Variants in ENTREP2 observed in about 807,000 individuals in gnomAD.
ENTREP2 encodes the protein protein ENTREP2.
At chr15:29,159,578 G>C in the ENTREP2 span, among the ~76,000 whole-genome samples, 1 of 152,114 alleles carries the variant, frequency 6.6e-6, no homozygotes, top group Non-Finnish European at 1.5e-5. Context: ...TTTTGACAGG[G>C]TGCTGATTGG....
the ENTREP2 span, among the ~76,000 whole-genome samples, chr15:29,259,822 A>T: frequency 6.6e-6 from 1 of 152,062 alleles, no homozygotes; most frequent in Non-Finnish European, 1.5e-5. Flanking sequence ...ATATATATAT[A>T]TATGAAGAAA....
the ENTREP2 span, among the ~76,000 whole-genome samples, chr15:29,275,751 G>T: frequency 6.6e-6 from 1 of 152,106 alleles, no homozygotes; most frequent in Non-Finnish European, 1.5e-5. Context: ...TTCATTCATG[G>T]TATTTCTTGT....
At chr15:29,613,643 T>TA in the ENTREP2 span, 2 of 182,538 alleles carry the variant, frequency 1.1e-5, no homozygotes, top group Non-Finnish European at 2.3e-5. Context: ...TGAGGCTCCT[T>TA]ATAATATTCG....
the ENTREP2 span, among the ~76,000 whole-genome samples, chr15:29,207,579 T>G: frequency 6.6e-6 from 1 of 152,108 alleles, no homozygotes; most frequent in Non-Finnish European, 1.5e-5. Context: ...TGCTGATTGG[T>G]GCATTTTACA....
the ENTREP2 span, among the ~76,000 whole-genome samples, chr15:29,369,938 G>T: frequency 2.0e-5 from 3 of 152,128 alleles, no homozygotes; most frequent in African/African-American, 7.2e-5. Context: ...CCCTTTATCT[G>T]CCATGTTTGG....
At chr15:29,478,015 A>T in the ENTREP2 span, among the ~76,000 whole-genome samples, 7,025 of 61,922 alleles carry the variant, frequency 0.11, 854 homozygotes, top group Non-Finnish European at 0.13. Context: ...ATATATATAT[A>T]TATATTTTTT....
chr15:29,363,985 T>C, the ENTREP2 span, among the ~76,000 whole-genome samples: 1 of 152,086 alleles, frequency 6.6e-6, no homozygotes, highest in African/African-American at 2.4e-5. Context: ...AGGGCCAGAA[T>C]TGCTCTCCAT....
At chr15:29,284,538 C>CAG in the ENTREP2 span, among the ~76,000 whole-genome samples, 1 of 135,004 alleles carries the variant, frequency 7.4e-6, no homozygotes, top group Non-Finnish European at 1.5e-5. Context: ...GCCTGGGTGA[C>CAG]AGAGAGAGAC....
the ENTREP2 span, among the ~76,000 whole-genome samples, chr15:29,664,930 T>C: frequency 6.6e-6 from 1 of 152,180 alleles, no homozygotes; most frequent in African/African-American, 2.4e-5. Flanking sequence ...CCAATCCAAC[T>C]TTCTCTGCCA....
the ENTREP2 span, chr15:29,610,276 A>G: frequency 1.3e-5 from 2 of 150,580 alleles, no homozygotes; most frequent in Non-Finnish European, 3.0e-5. Context: ...GCACAGGGAG[A>G]ACAGCTGTCC....
the ENTREP2 span, among the ~76,000 whole-genome samples, chr15:29,139,517 T>C: frequency 3.9e-5 from 6 of 152,198 alleles, no homozygotes; most frequent in Non-Finnish European, 8.8e-5. Context: ...ATCAATGACA[T>C]ACCCAAGCAA....
the ENTREP2 span, among the ~76,000 whole-genome samples, chr15:29,530,364 C>T: frequency 3.3e-5 from 5 of 152,150 alleles, no homozygotes; most frequent in African/African-American, 1.2e-4. Context: ...TCCATCTATG[C>T]AAGGAGTGTT....
At chr15:29,340,502 T>C in the ENTREP2 span, among the ~76,000 whole-genome samples, 24 of 152,078 alleles carry the variant, frequency 1.6e-4, no homozygotes, top group African/African-American at 5.3e-4. Context: ...AATGCTACAT[T>C]CCTTTCAGAC....
the ENTREP2 span, chr15:29,268,845 T>C: frequency 1.2e-6 from 2 of 1,614,130 alleles, no homozygotes; most frequent in Non-Finnish European, 1.7e-6. Context: ...TCTCCTCATC[T>C]GCCAAAGCCT....
chr15:29,127,414 G>C, the ENTREP2 span, among the ~76,000 whole-genome samples: 1 of 152,138 alleles, frequency 6.6e-6, no homozygotes, highest in Non-Finnish European at 1.5e-5. Context: ...GTCTGTTCCT[G>C]CCATCCCTTT....
chr15:29,390,275 A>G, the ENTREP2 span, among the ~76,000 whole-genome samples: 1 of 152,230 alleles, frequency 6.6e-6, no homozygotes, highest in African/African-American at 2.4e-5. Flanking sequence ...AAAAAGGGTC[A>G]TGAATCTAGT....
chr15:29,624,091 T>C, the ENTREP2 span, among the ~76,000 whole-genome samples: 1 of 152,218 alleles, frequency 6.6e-6, no homozygotes, highest in Non-Finnish European at 1.5e-5. Context: ...CCATGAAATA[T>C]CCAGGATATA....
the ENTREP2 span, among the ~76,000 whole-genome samples, chr15:29,532,478 G>A: frequency 6.6e-6 from 1 of 151,888 alleles, no homozygotes; most frequent in Non-Finnish European, 1.5e-5. Context: ...CACAAAACTG[G>A]TGCATCCCAC....
chr15:29,238,100 A>G, the ENTREP2 span, among the ~76,000 whole-genome samples: 1 of 152,186 alleles, frequency 6.6e-6, no homozygotes, highest in East Asian at 1.9e-4. Flanking sequence ...GCCAGTCATA[A>G]AAGACTACAT....
Sources: gnomAD v4.1 joint callset for allele counts (sites outside exome capture counted in the v4.1 genomes callset) on GRCh38, gnomAD v4.1.1 for gene constraint, MANE v1.5 for transcripts, NCBI Gene and HGNC (gene_info 2026-07-23, HGNC 2026-07-21) for gene names.